The following HDAC9 variants were observed in gnomAD, a reference collection of about 807,000 sequenced individuals.
HDAC9 encodes histone deacetylase 9, also known as MEF-2 interacting transcription repressor (MITR) protein.
A neutral mutation model predicts 139.4 loss-of-function variants in HDAC9; 41 were observed. That is an observed-to-expected ratio of 0.29 (90% CI 0.23 to 0.38). The LOEUF is 0.38. Among genes scored for constraint, HDAC9 ranks in the 10% least tolerant of loss-of-function variants. The pLI, the probability that HDAC9 is intolerant of heterozygous loss-of-function variation, is 1.00. For synonymous variants in HDAC9, 517 were observed against 476.2 expected, an observed-to-expected ratio of 1.09 and a Z score of -1.12; for missense variants, 1,147 against 1,297.0, an observed-to-expected ratio of 0.88 and a Z score of 1.78.
intron 21 of HDAC9, among the ~76,000 whole-genome samples, chr7:18,840,629 C>T (rs557281043): frequency 1.3e-5 from 2 of 152,194 alleles, no homozygotes; most frequent in South Asian, 4.1e-4. Flanking sequence ...ATATCATTAA[C>T]TGGAATTTTT....
At chr7:18,499,353 TG>T (rs1476074489) in intron 2 of HDAC9, among the ~76,000 whole-genome samples, 1 of 152,172 alleles carries the variant, frequency 6.6e-6, no homozygotes, top group Non-Finnish European at 1.5e-5. Context: ...TATGGTTGTA[TG>T]TTTTTTTGAT....
intron 22 of HDAC9, among the ~76,000 whole-genome samples, chr7:18,884,438 C>T (rs1365050152): frequency 1.3e-5 from 2 of 152,052 alleles, no homozygotes; most frequent in African/African-American, 4.8e-5. Flanking sequence ...CGAGAACACT[C>T]CATGAGGAAA....
intron 1 of HDAC9, among the ~76,000 whole-genome samples, chr7:18,420,407 C>G (rs956315609): frequency 1.5e-4 from 23 of 152,182 alleles, no homozygotes; most frequent in Non-Finnish European, 2.4e-4. Context: ...GTAAATCACT[C>G]TAGGTTTGAA....
intron 2 of HDAC9, among the ~76,000 whole-genome samples, chr7:18,188,382 A>C (rs1790075541): frequency 6.6e-6 from 1 of 152,200 alleles, no homozygotes; most frequent in South Asian, 2.1e-4. Context: ...GTAAAACCTC[A>C]CACCATAAAA....
At chr7:18,953,100 T>A (rs1481134328) in intron 23 of HDAC9, among the ~76,000 whole-genome samples, 1 of 152,032 alleles carries the variant, frequency 6.6e-6, no homozygotes, top group African/African-American at 2.4e-5. Flanking sequence ...TGTGTTTTTT[T>A]AGGTTTTCCT....
chr7:18,530,982 A>G (rs971252497), intron 2 of HDAC9, among the ~76,000 whole-genome samples: 6 of 151,964 alleles, frequency 3.9e-5, no homozygotes, highest in African/African-American at 1.4e-4. Flanking sequence ...TGCCTCCCAT[A>G]TTAGCCATTT....
At chr7:18,295,661 C>T (rs1488661134) in intron 1 of HDAC9, among the ~76,000 whole-genome samples, 1 of 152,152 alleles carries the variant, frequency 6.6e-6, no homozygotes, top group Non-Finnish European at 1.5e-5. Flanking sequence ...TCAGCACTTT[C>T]TTCTTGTGTA....
At chr7:18,587,615 A>T (rs1829821338) in intron 3 of HDAC9, among the ~76,000 whole-genome samples, 1 of 152,200 alleles carries the variant, frequency 6.6e-6, no homozygotes, top group Non-Finnish European at 1.5e-5. Context: ...AGATGCTGTT[A>T]TTCCATTTTT....
At chr7:18,914,330 G>A (rs542382249) in intron 22 of HDAC9, among the ~76,000 whole-genome samples, 1 of 151,742 alleles carries the variant, frequency 6.6e-6, no homozygotes, top group Non-Finnish European at 1.5e-5. Flanking sequence ...ACAGACGAAG[G>A]CATTCCACCC....
intron 1 of HDAC9, among the ~76,000 whole-genome samples, chr7:18,379,346 T>G (rs188798345): frequency 7.8e-4 from 119 of 152,358 alleles, no homozygotes; most frequent in African/African-American, 2.8e-3. Context: ...ATGTAGCAAG[T>G]AGGCCTGAAA....
At chr7:18,623,100 T>C (rs1840675550) in intron 6 of HDAC9, among the ~76,000 whole-genome samples, 1 of 148,904 alleles carries the variant, frequency 6.7e-6, no homozygotes, top group Admixed American at 6.7e-5. Context: ...GCTGAGATCA[T>C]CCCACTGCAC....
At chr7:18,936,074 G>A (rs1460980255) in intron 23 of HDAC9, 132 bp downstream of exon 23, 6 of 856,914 alleles carry the variant, frequency 7.0e-6, no homozygotes, top group Non-Finnish European at 1.1e-5. Flanking sequence ...AAGAAGGTAA[G>A]CCTTAGATAA....
intron 2 of HDAC9, among the ~76,000 whole-genome samples, chr7:18,163,242 A>G (rs1304521052): frequency 2.0e-5 from 3 of 152,120 alleles, no homozygotes; most frequent in Non-Finnish European, 2.9e-5. Flanking sequence ...CCACATCCCC[A>G]ACAGGCCTCC....
chr7:18,718,381 G>A (rs983620642), intron 12 of HDAC9, among the ~76,000 whole-genome samples: 1 of 151,984 alleles, frequency 6.6e-6, no homozygotes, highest in African/African-American at 2.4e-5. Context: ...ACAGGTGCAC[G>A]GTGCCACGCC....
At chr7:18,437,816 G>A (rs1487377880) in intron 1 of HDAC9, among the ~76,000 whole-genome samples, 1 of 150,616 alleles carries the variant, frequency 6.6e-6, no homozygotes, top group Non-Finnish European at 1.5e-5. Context: ...GAATAAAAAG[G>A]GAAAGTCCCT....
At chr7:18,723,874 A>G (rs577273869) in intron 12 of HDAC9, among the ~76,000 whole-genome samples, 1 of 152,140 alleles carries the variant, frequency 6.6e-6, no homozygotes, top group African/African-American at 2.4e-5. Flanking sequence ...TATCTATTGC[A>G]TTTTCTTAAT....
chr7:18,115,121 C>T (rs1212531994), intron 1 of HDAC9, among the ~76,000 whole-genome samples: 1 of 152,124 alleles, frequency 6.6e-6, no homozygotes, highest in Non-Finnish European at 1.5e-5. Context: ...GAAACCCCAT[C>T]TCTACTAAAA....
intron 1 of HDAC9, among the ~76,000 whole-genome samples, chr7:18,131,326 A>T (rs992601964): frequency 1.3e-5 from 2 of 152,136 alleles, no homozygotes; most frequent in Non-Finnish European, 2.9e-5. Flanking sequence ...ATATTGATTG[A>T]TTGATAACTA....
At chr7:18,661,823 A>C (rs1793258709) in intron 11 of HDAC9, among the ~76,000 whole-genome samples, 1 of 151,972 alleles carries the variant, frequency 6.6e-6, no homozygotes, top group Non-Finnish European at 1.5e-5. Flanking sequence ...AGATGAAGCC[A>C]AAGAAACTGA....
Sources: gnomAD v4.1 joint callset for allele counts (sites outside exome capture counted in the v4.1 genomes callset) on GRCh38, gnomAD v4.1.1 for gene constraint, MANE v1.5 for transcripts, NCBI Gene and HGNC (gene_info 2026-07-23, HGNC 2026-07-21) for gene names.